The following WWOX variants were observed in gnomAD, a reference collection of about 807,000 sequenced individuals.
The protein encoded by WWOX is WW domain-containing oxidoreductase.
A neutral mutation model predicts 46.2 loss-of-function variants in WWOX; 69 were observed. That is an observed-to-expected ratio of 1.49 (90% CI 1.23 to 1.82). The LOEUF (loss-of-function observed/expected upper bound fraction) is 1.82. Ranked by LOEUF, WWOX falls within the 40% of genes most tolerant of loss-of-function variation. WWOX has a pLI of 0.00. For missense variants in WWOX, 919 were observed against 542.6 expected, an observed-to-expected ratio of 1.69 and a Z score of -6.89; for synonymous variants, 359 against 202.6, an observed-to-expected ratio of 1.77 and a Z score of -6.56.
chr16:79,024,601 T>G (rs545063836), intron 8 of WWOX, among the ~76,000 whole-genome samples: 2 of 151,912 alleles, frequency 1.3e-5, no homozygotes, highest in East Asian at 3.9e-4. Context: ...GCCTGGCTAA[T>G]TTTTTGTATT....
chr16:78,976,841 A>T (rs1005047956), intron 8 of WWOX, among the ~76,000 whole-genome samples: 64 of 152,298 alleles, frequency 4.2e-4, no homozygotes, highest in African/African-American at 1.4e-3. Flanking sequence ...TTCAGTTGCA[A>T]ACATGGAGGG....
intron 8 of WWOX, among the ~76,000 whole-genome samples, chr16:79,141,836 CA>C (rs1187696772): frequency 5.3e-5 from 8 of 151,944 alleles, no homozygotes; most frequent in African/African-American, 1.9e-4. Context: ...AAGCAGTGTC[CA>C]TTAGGATGAC....
intron 5 of WWOX, among the ~76,000 whole-genome samples, chr16:78,239,958 C>A (rs528836258): frequency 1.3e-5 from 2 of 151,314 alleles, no homozygotes; most frequent in African/African-American, 2.4e-5. Context: ...CGGTTCTAAG[C>A]CAGTTGGACA....
chr16:78,458,041 C>T (rs536921309), intron 8 of WWOX, among the ~76,000 whole-genome samples: 1 of 147,744 alleles, frequency 6.8e-6, no homozygotes, highest in Non-Finnish European at 1.5e-5. Flanking sequence ...GGTGCCACTG[C>T]ACTCCAGCCT....
chr16:78,797,888 T>G (rs1567567199), intron 8 of WWOX, among the ~76,000 whole-genome samples: 1 of 152,172 alleles, frequency 6.6e-6, no homozygotes, highest in African/African-American at 2.4e-5. Context: ...CTCAAGAGGC[T>G]GACATGGGAG....
At chr16:79,094,847 C>G (rs1444205682) in intron 8 of WWOX, among the ~76,000 whole-genome samples, 2 of 152,080 alleles carry the variant, frequency 1.3e-5, no homozygotes, top group African/African-American at 4.8e-5. Flanking sequence ...ATTTATTGAG[C>G]CAACAGGTTT....
At chr16:78,303,586 C>A (rs561867823) in intron 5 of WWOX, among the ~76,000 whole-genome samples, 17 of 152,190 alleles carry the variant, frequency 1.1e-4, no homozygotes, top group African/African-American at 4.1e-4. Context: ...CTCTCGTTGC[C>A]CAGTCTGGAG....
Position 78,564,728 on chromosome 16 carries a change from C to T in WWOX, c.1056+131976C>T, listed in dbSNP as rs538204558. Among the ~76,000 whole-genome samples, 6 of 152,238 alleles carry T rather than the reference C, an allele frequency of 3.9e-5. No individual in the cohort carries two copies. In the East Asian group the frequency reaches 1.2e-3, roughly 29 times the overall value. On this transcript the variant is annotated intron_variant, in intron 8 of 8. Transcript: ENST00000566780. ...CCTGGCTCCAGTAAAGTCATACAAC[C>T]ATATGGTACCTCTCTGGCAACTAAT... is the stretch of plus-strand genomic sequence containing the variant.
At chr16:78,729,395 C>G (rs1567520348) in intron 8 of WWOX, among the ~76,000 whole-genome samples, 3 of 151,828 alleles carry the variant, frequency 2.0e-5, no homozygotes, top group Admixed American at 1.3e-4. Context: ...CATGCACATC[C>G]TAATTCCTGT....
intron 8 of WWOX, among the ~76,000 whole-genome samples, chr16:78,615,650 C>T (rs2046004681): frequency 6.6e-6 from 1 of 151,726 alleles, no homozygotes; most frequent in Non-Finnish European, 1.5e-5. Flanking sequence ...AGCAAGACCC[C>T]ATTTCCAAAA....
intron 8 of WWOX, among the ~76,000 whole-genome samples, chr16:78,972,125 T>A (rs1010957177): frequency 6.6e-6 from 1 of 152,126 alleles, no homozygotes; most frequent in Non-Finnish European, 1.5e-5. Context: ...TCGTCCTGCA[T>A]TGGAGGAGGA....
At chr16:79,207,955 G>A (rs145783175) in intron 8 of WWOX, among the ~76,000 whole-genome samples, 2 of 152,216 alleles carry the variant, frequency 1.3e-5, no homozygotes, top group African/African-American at 2.4e-5. Context: ...TCCCAACACC[G>A]AGTTTTGGAA....
chr16:78,679,712 T>C (rs2047685484), intron 8 of WWOX, among the ~76,000 whole-genome samples: 1 of 152,240 alleles, frequency 6.6e-6, no homozygotes, highest in Non-Finnish European at 1.5e-5. Context: ...AAGCTCCTTA[T>C]TTTTAAGTGG....
intron 8 of WWOX, among the ~76,000 whole-genome samples, chr16:78,875,778 C>G (rs1032789706): frequency 6.6e-6 from 1 of 152,180 alleles, no homozygotes; most frequent in African/African-American, 2.4e-5. Flanking sequence ...CTCTGCATGT[C>G]CTGGATAATC....
intron 8 of WWOX, among the ~76,000 whole-genome samples, chr16:78,827,496 C>G (rs1337247909): frequency 2.0e-5 from 3 of 151,982 alleles, no homozygotes; most frequent in Admixed American, 6.6e-5. Flanking sequence ...CATTTTCTGG[C>G]AGGGAGACCC....
chr16:79,041,602 G>T lies in WWOX; in HGVS notation c.1057-170006G>T, dbSNP rs371379693. Among the ~76,000 whole-genome samples, 4 of 152,194 alleles carry T rather than the reference G, an allele frequency of 2.6e-5. No individual in the cohort carries two copies. The South Asian group carries it at 8.3e-4, about 32-fold the overall frequency. Reference sequence around the variant, plus strand: ...AAGTCTGGTTGGCCTCTGGGAGTACGGGATCAGAATTCCAAGTGACTGGGG... The same window carrying T: ...AAGTCTGGTTGGCCTCTGGGAGTACTGGATCAGAATTCCAAGTGACTGGGG... On this transcript the variant is annotated intron_variant, in intron 8 of 8. Transcript: ENST00000566780.
intron 8 of WWOX, among the ~76,000 whole-genome samples, chr16:78,986,587 C>T (rs546973397): frequency 1.3e-5 from 2 of 152,306 alleles, no homozygotes; most frequent in African/African-American, 4.8e-5. Context: ...TACTTGACAT[C>T]ATTCCTTAAT....
chr16:78,222,524 T>C (rs1407846847), intron 5 of WWOX, among the ~76,000 whole-genome samples: 3 of 152,030 alleles, frequency 2.0e-5, no homozygotes, highest in African/African-American at 7.2e-5. Flanking sequence ...AAATACATAT[T>C]TTGCAGCCGA....
chr16:78,296,468 T>C (rs987287972), intron 5 of WWOX, among the ~76,000 whole-genome samples: 1 of 151,458 alleles, frequency 6.6e-6, no homozygotes, highest in Non-Finnish European at 1.5e-5. Context: ...GCAAAACATA[T>C]TGTTTTCTAA....
Sources: allele counts gnomAD v4.1 joint callset (sites outside exome capture counted in the v4.1 genomes callset), GRCh38; gene constraint gnomAD v4.1.1; transcripts MANE v1.5; gene names NCBI Gene and HGNC (gene_info 2026-07-23, HGNC 2026-07-21).